The following NLGN1 variants were observed in gnomAD, a reference collection of about 807,000 sequenced individuals.
NLGN1 encodes neuroligin-1.
In NLGN1, 12 loss-of-function variants were observed where a neutral mutation model predicts 65.5. The observed-to-expected ratio is 0.18, with a 90% CI of 0.12 to 0.30. The LOEUF is 0.30. Among genes scored for constraint, NLGN1 ranks in the 10% least tolerant of loss-of-function variants. The probability of loss-of-function intolerance (pLI) is 1.00; values close to 1 mark genes in which losing one functional copy is unlikely to be tolerated. For synonymous variants in NLGN1, 350 were observed against 359.5 expected (o/e 0.97, Z 0.30); for missense variants, 750 against 1,007.1 (o/e 0.74, Z 3.46).
At chr3:173,795,172 C>G (rs2150380969) in intron 3 of NLGN1, among the ~76,000 whole-genome samples, 1 of 152,224 alleles carries the variant, frequency 6.6e-6, no homozygotes, top group Non-Finnish European at 1.5e-5. Context: ...CTAAATGACA[C>G]TCATTGTCAT....
chr3:174,242,649 C>T (rs906541292), intron 4 of NLGN1, among the ~76,000 whole-genome samples: 1 of 151,990 alleles, frequency 6.6e-6, no homozygotes, highest in East Asian at 1.9e-4. Context: ...CCATCTCTGC[C>T]AGATAGAACC....
intron 4 of NLGN1, among the ~76,000 whole-genome samples, chr3:173,842,840 A>G (rs990527151): frequency 1.3e-5 from 2 of 152,116 alleles, no homozygotes; most frequent in Non-Finnish European, 2.9e-5. Context: ...AGTCTGGAGG[A>G]TGGTGGCCGC....
intron 3 of NLGN1, among the ~76,000 whole-genome samples, chr3:173,763,761 A>G (rs1778355615): frequency 6.6e-6 from 1 of 152,080 alleles, no homozygotes; most frequent in African/African-American, 2.4e-5. Flanking sequence ...AACACAAAAA[A>G]TGGAAGCAAG....
chr3:173,633,456 T>C (rs1408210699), intron 3 of NLGN1, among the ~76,000 whole-genome samples: 2 of 152,152 alleles, frequency 1.3e-5, no homozygotes, highest in African/African-American at 2.4e-5. Context: ...ATTCCTATCA[T>C]TGAGCTACAA....
At chr3:174,192,696 A>G (rs6801792) in intron 4 of NLGN1, among the ~76,000 whole-genome samples, 83,949 of 151,902 alleles carry the variant, frequency 0.55, 23,685 homozygotes, top group East Asian at 0.83. Flanking sequence ...GGCTAGTTAT[A>G]TAGCATCATG....
chr3:173,575,311 T>C (rs1379834326), intron 2 of NLGN1, among the ~76,000 whole-genome samples: 2 of 152,264 alleles, frequency 1.3e-5, no homozygotes, highest in Admixed American at 6.5e-5. Flanking sequence ...CTTCAGTTTA[T>C]GGAATCTTGT....
At chr3:173,985,898 T>C (rs1245424105) in intron 4 of NLGN1, among the ~76,000 whole-genome samples, 1 of 151,878 alleles carries the variant, frequency 6.6e-6, no homozygotes, top group Non-Finnish European at 1.5e-5. Flanking sequence ...TGCAGTGAGC[T>C]GAGATGGTGC....
intron 4 of NLGN1, among the ~76,000 whole-genome samples, chr3:174,106,150 C>T (rs947038671): frequency 4.6e-5 from 7 of 151,990 alleles, no homozygotes; most frequent in African/African-American, 1.4e-4. Flanking sequence ...TTAGAATCAC[C>T]GAGGAAGGAT....
At chr3:173,575,703 C>T (rs768552703) in intron 2 of NLGN1, among the ~76,000 whole-genome samples, 3 of 152,102 alleles carry the variant, frequency 2.0e-5, no homozygotes, top group Non-Finnish European at 4.4e-5. Context: ...TTTTTACAAA[C>T]GTCAGTCAAC....
rs145980880 is a variant in NLGN1 at position 173,431,542 on chromosome 3, G to T, written c.-389-3468G>T. ...TAATCAATTTTTTGCATGATTTTTG[G>T]ATATATATATAATATGTACTTTAAT... On this transcript the variant is annotated intron_variant, in intron 1 of 6. Coordinates refer to ENST00000457714, the Ensembl canonical transcript of NLGN1. 6.2e-3 allele frequency among the ~76,000 whole-genome samples: 943 copies of T among 151,702 alleles called. 8 individuals carry two copies. Among genetic ancestry groups the T allele is most frequent in the African/African-American group, 0.022 (908 of 41,346 alleles).
At chr3:173,691,151 T>C (rs1765409335) in intron 3 of NLGN1, among the ~76,000 whole-genome samples, 1 of 152,072 alleles carries the variant, frequency 6.6e-6, no homozygotes, top group African/African-American at 2.4e-5. Flanking sequence ...GAAATAACAT[T>C]TAGGGAATAC....
At chr3:173,466,180 C>G (rs1324336805) in intron 2 of NLGN1, among the ~76,000 whole-genome samples, 2 of 152,066 alleles carry the variant, frequency 1.3e-5, no homozygotes, top group African/African-American at 4.8e-5. Context: ...GAGACACTGT[C>G]TTAGGTGCTT....
At chr3:173,739,106 A>G (rs1315140450) in intron 3 of NLGN1, among the ~76,000 whole-genome samples, 2 of 152,010 alleles carry the variant, frequency 1.3e-5, no homozygotes, top group Admixed American at 6.6e-5. Flanking sequence ...AAGATGGCAC[A>G]AACAAAAGCT....
intron 2 of NLGN1, among the ~76,000 whole-genome samples, chr3:173,461,074 AG>A (rs1177552161): frequency 1.3e-5 from 2 of 152,182 alleles, no homozygotes; most frequent in African/African-American, 2.4e-5. Flanking sequence ...ATTGAGCACC[AG>A]GGCGGTCTAT....
intron 4 of NLGN1, among the ~76,000 whole-genome samples, chr3:174,084,576 A>G (rs1227737033): frequency 6.6e-6 from 1 of 152,084 alleles, no homozygotes; most frequent in African/African-American, 2.4e-5. Context: ...AAAATAAGGG[A>G]GAGATTATAA....
chr3:173,677,943 G>A (rs561593374), intron 3 of NLGN1, among the ~76,000 whole-genome samples: 6 of 152,108 alleles, frequency 3.9e-5, no homozygotes, highest in South Asian at 4.1e-4. Flanking sequence ...ACACCATGAC[G>A]TAGTGTCATA....
chr3:174,090,376 G>A (rs1744280440), intron 4 of NLGN1, among the ~76,000 whole-genome samples: 1 of 152,112 alleles, frequency 6.6e-6, no homozygotes, highest in Admixed American at 6.5e-5. Flanking sequence ...GGGGTGCTGA[G>A]GCAGGAGAGT....
In NLGN1 at chr3:174,106,980, T is replaced by TCA. The variant is rs370193288; in HGVS notation, c.647-168298_647-168297dup. The stretch of plus-strand genomic sequence containing the variant: ...ATTCAAATGACAATCTCTTCAAGAA[T>TCA]CACACACACACACACACACACACAC... On this transcript the variant is annotated intron_variant, in intron 4 of 6. Transcript: ENST00000457714. 7.8e-3 allele frequency among the ~76,000 whole-genome samples: 878 copies of TCA among 113,092 alleles called. 7 individuals carry two copies. The highest frequency in any genetic ancestry group is 0.014 in the Middle Eastern group (3 of 220). 74.2% of individuals were successfully genotyped at this position (113,092 alleles called of 152,430 possible).
chr3:174,126,144 T>A (rs1427139116), intron 4 of NLGN1, among the ~76,000 whole-genome samples: 3 of 152,128 alleles, frequency 2.0e-5, no homozygotes, highest in Admixed American at 2.0e-4. Flanking sequence ...ACTAGAGCCT[T>A]CACCTTTCCC....
Sources: gnomAD v4.1 joint callset for allele counts (sites outside exome capture counted in the v4.1 genomes callset) on GRCh38, gnomAD v4.1.1 for gene constraint, MANE v1.5 for transcripts, NCBI Gene and HGNC (gene_info 2026-07-23, HGNC 2026-07-21) for gene names.